MED13L: variants seen among roughly 807,000 people sequenced by gnomAD.
MED13L encodes mediator of RNA polymerase II transcription subunit 13-like.
In MED13L, 7 loss-of-function variants were observed where a neutral mutation model predicts 220.9. The ratio of observed to expected loss-of-function variants is 0.03; its 90% CI spans 0.02 to 0.06. The LOEUF is 0.06. MED13L is among the 10% of genes least tolerant of loss of function. MED13L has a pLI of 1.00. For synonymous variants in MED13L, 1,011 were observed against 1,015.2 expected, an observed-to-expected ratio of 1.00 and a Z score of 0.08; for missense variants, 1,965 against 2,760.5, an observed-to-expected ratio of 0.71 and a Z score of 6.46.
intron 2 of MED13L, among the ~76,000 whole-genome samples, chr12:116,225,863 G>C (rs747836481): frequency 1.3e-5 from 2 of 151,926 alleles, no homozygotes; most frequent in African/African-American, 4.8e-5. Context: ...TTAGCAAAAA[G>C]TCTTACTTCC....
chr12:116,036,316 A>T (rs1232371348), intron 4 of MED13L, among the ~76,000 whole-genome samples: 1 of 152,212 alleles, frequency 6.6e-6, no homozygotes, highest in Admixed American at 6.5e-5. Context: ...CTAGCTATTT[A>T]AAAAATATCT....
At chr12:115,966,707 C>T (rs1876189758) in intron 28 of MED13L, among the ~76,000 whole-genome samples, 2 of 152,174 alleles carry the variant, frequency 1.3e-5, no homozygotes, top group East Asian at 3.9e-4. Context: ...AAGATCTGCT[C>T]ACAGAGAAGC....
intron 2 of MED13L, among the ~76,000 whole-genome samples, chr12:116,156,601 C>T (rs956022091): frequency 1.5e-4 from 23 of 152,068 alleles, no homozygotes; most frequent in Non-Finnish European, 2.4e-4. Context: ...AACTACTAAG[C>T]GAAGTTTTAA....
chr12:115,985,774 T>C (rs1877648994), intron 19 of MED13L, among the ~76,000 whole-genome samples: 1 of 152,230 alleles, frequency 6.6e-6, no homozygotes, highest in Non-Finnish European at 1.5e-5. Flanking sequence ...TAAGATGTCA[T>C]GTTAAAACAC....
At chr12:116,237,323 G>A (rs866896987) in intron 2 of MED13L, 145 bp downstream of exon 2, 1 of 712,006 alleles carries the variant, frequency 1.4e-6, no homozygotes, top group Middle Eastern at 3.7e-4. Flanking sequence ...GGAGGAAGAG[G>A]GGTGAGAATG....
chr12:116,052,272 G>C (rs1042781517), intron 4 of MED13L, among the ~76,000 whole-genome samples: 3 of 152,174 alleles, frequency 2.0e-5, no homozygotes, highest in African/African-American at 4.8e-5. Flanking sequence ...ACACAGGATA[G>C]AGAAACAGAA....
intron 2 of MED13L, among the ~76,000 whole-genome samples, chr12:116,209,144 T>C (rs909731487): frequency 6.6e-6 from 1 of 152,200 alleles, no homozygotes; most frequent in Non-Finnish European, 1.5e-5. Flanking sequence ...AATGCACCTA[T>C]GCAAAAATCA....
intron 2 of MED13L, among the ~76,000 whole-genome samples, chr12:116,214,845 C>A (rs1192758473): frequency 6.6e-6 from 1 of 152,120 alleles, no homozygotes; most frequent in Admixed American, 6.6e-5. Context: ...AAAAAAAATT[C>A]TCAAACATAA....
chr12:116,148,909 A>T (rs1877802834), intron 2 of MED13L, among the ~76,000 whole-genome samples: 1 of 152,178 alleles, frequency 6.6e-6, no homozygotes, highest in African/African-American at 2.4e-5. Context: ...ACCTTACTAA[A>T]GCATGGCTCT....
chr12:116,247,084 A>G lies in MED13L; in HGVS notation c.73-9379T>C, dbSNP rs547723401. Among the ~76,000 whole-genome samples the G allele has an allele frequency of 1.1e-4, 17 of 152,308 alleles. No individual in the cohort carries two copies. In the South Asian group the frequency reaches 3.5e-3, roughly 32 times the overall value. On this transcript the variant is annotated intron_variant, in intron 1 of 30. Coordinates refer to ENST00000281928, the MANE Select transcript of MED13L (RefSeq NM_015335.5). ...AACTATGACCTCAGTATTTAGAAAC[A>G]TTTAAGTAAGAACCAAGATAATCAA...
chr12:116,116,393 T>C (rs1004453326), intron 2 of MED13L, among the ~76,000 whole-genome samples: 1 of 152,120 alleles, frequency 6.6e-6, no homozygotes, highest in African/African-American at 2.4e-5. Context: ...TCAAAATAAC[T>C]GGACACATGG....
intron 2 of MED13L, among the ~76,000 whole-genome samples, chr12:116,122,608 C>T (rs1221784150): frequency 3.3e-5 from 5 of 152,130 alleles, no homozygotes; most frequent in Non-Finnish European, 7.4e-5. Flanking sequence ...CATACTAAAA[C>T]GTTCCATTTA....
At chr12:116,161,533 T>A (rs977568761) in intron 2 of MED13L, among the ~76,000 whole-genome samples, 1 of 152,130 alleles carries the variant, frequency 6.6e-6, no homozygotes, top group Non-Finnish European at 1.5e-5. Flanking sequence ...TACTGAGTAT[T>A]TACTAGGTGC....
intron 3 of MED13L, among the ~76,000 whole-genome samples, chr12:116,098,148 A>G (rs1872765717): frequency 6.6e-6 from 1 of 152,174 alleles, no homozygotes; most frequent in African/African-American, 2.4e-5. Flanking sequence ...CGGGAGGCTG[A>G]AGGAGGAGAA....
At chr12:116,021,776 T>C (rs1211929713) in intron 5 of MED13L, among the ~76,000 whole-genome samples, 2 of 152,122 alleles carry the variant, frequency 1.3e-5, no homozygotes, top group African/African-American at 4.8e-5. Context: ...TATTATAACA[T>C]TTAAAAGCTG....
chr12:116,016,183 C>T (rs1401976278), intron 7 of MED13L, among the ~76,000 whole-genome samples: 2 of 152,062 alleles, frequency 1.3e-5, no homozygotes, highest in East Asian at 3.9e-4. Context: ...TGATGCAAAA[C>T]ACCTTAACGA....
At position 116,277,165 on chromosome 12, in the gene MED13L, A is replaced by T. The variant is rs1456673465; in HGVS notation, c.-34T>A. Reference sequence around the variant, plus strand: ...GCGAGCCCGGCCGCCAGAGCGGGGCATGTCGGAGCGAGGCGTCCGAGGCGA... The same window carrying T: ...GCGAGCCCGGCCGCCAGAGCGGGGCTTGTCGGAGCGAGGCGTCCGAGGCGA... On this transcript the variant is annotated 5_prime_UTR_variant, in exon 1 of 31. An upstream start codon of the reference 5' UTR is lost. Coordinates refer to ENST00000281928, the MANE Select transcript of MED13L (RefSeq NM_015335.5). The T allele has an allele frequency of 6.6e-7, 1 of 1,519,156 alleles. No homozygotes were observed. Among genetic ancestry groups the T allele is most frequent in the Admixed American group, 2.0e-5 (1 of 49,720 alleles). 94.1% of individuals were successfully genotyped at this position (1,519,156 alleles called of 1,614,324 possible).
Position 116,168,479 on chromosome 12 carries a change from G to A in MED13L, c.311-56967C>T, listed in dbSNP as rs772419798. Among the ~76,000 whole-genome samples the A allele has an allele frequency of 5.9e-5, 9 of 152,188 alleles. No homozygotes were observed. The South Asian group carries it at 1.0e-3, about 18-fold the overall frequency. On this transcript the variant is annotated intron_variant, in intron 2 of 30. Transcript: ENST00000281928. Reference sequence around the variant, plus strand: ...TCTTATAACCTGAGTAAAAGCTTCCGGAGATAGAGCTGATTCCTCTGATCC... The same window carrying A: ...TCTTATAACCTGAGTAAAAGCTTCCAGAGATAGAGCTGATTCCTCTGATCC...
chr12:116,191,862 A>G (rs2138269124), intron 2 of MED13L, among the ~76,000 whole-genome samples: 1 of 152,204 alleles, frequency 6.6e-6, no homozygotes, highest in Non-Finnish European at 1.5e-5. Context: ...ATTAAAAAGT[A>G]CTATAGCATC....
Sources: allele counts gnomAD v4.1 joint callset (sites outside exome capture counted in the v4.1 genomes callset), GRCh38; gene constraint gnomAD v4.1.1; transcripts MANE v1.5; gene names NCBI Gene and HGNC (gene_info 2026-07-23, HGNC 2026-07-21).